The following LTC4S variants were observed in gnomAD, a reference collection of about 807,000 sequenced individuals.
LTC4S encodes the protein LTC4 synthase.
In LTC4S, 18 loss-of-function variants were observed where a neutral mutation model predicts 19.6. That is an observed-to-expected ratio of 0.92 (90% CI 0.64 to 1.36). The LOEUF (loss-of-function observed/expected upper bound fraction) is 1.36. Ranked by LOEUF, LTC4S falls within the 40% of genes most tolerant of loss-of-function variation. The pLI is 0.00. For missense variants in LTC4S, 235 were observed against 212.2 expected (o/e 1.11, Z -0.67); for synonymous variants, 126 against 110.1 (o/e 1.14, Z -0.91).
chr5:179,796,623 G>A lies in LTC4S; in HGVS notation c.*229G>A. The stretch of plus-strand genomic sequence containing the variant: ...GGGGCGGGCTTCCTAGTGGCGGCGT[G>A]AGAGTGGCTGCGAAGGAACGAGCCC... On this transcript the variant is annotated 3_prime_UTR_variant, in exon 5 of 5. Coordinates refer to ENST00000292596, the MANE Select transcript of LTC4S (RefSeq NM_145867.2). 3 of 523,946 alleles carry A rather than the reference G, an allele frequency of 5.7e-6. No individual in the cohort carries two copies. The highest frequency in any genetic ancestry group is 9.2e-6 in the Non-Finnish European group (3 of 327,730). 32.5% of individuals were successfully genotyped at this position (523,946 alleles called of 1,614,324 possible).
chr5:179,796,351 C>T lies in LTC4S; in HGVS notation c.410C>T (p.Ala137Val), dbSNP rs753555908. The change falls in exon 5 of 5, where the codon GCC becomes GTC. Residue 137 changes from alanine to valine, a missense_variant. Physicochemically the swap from Ala to Val is moderately conservative, Grantham distance 64 (BLOSUM62 0). Transcript: ENST00000292596. ...LAHFLPAALRAALLGRLRTLL... is the reference protein window; with the variant it reads ...LAHFLPAALRVALLGRLRTLL... The stretch of plus-strand genomic sequence containing the variant: ...CACTTCCTCCCGGCCGCGCTGCGCG[C>T]CGCGCTCCTCGGACGGCTCCGGACG... 3.4e-6 allele frequency: 5 copies of T among 1,490,940 alleles called. No homozygotes were observed. In the South Asian group the frequency reaches 3.8e-5, roughly 11 times the overall value. 92.4% of individuals were successfully genotyped at this position (1,490,940 alleles called of 1,614,324 possible).
At chr5:179,796,103 G>A (rs1276780752) in intron 4 of LTC4S, 81 bp downstream of exon 4, 5 of 1,335,354 alleles carry the variant, frequency 3.7e-6, no homozygotes, top group Non-Finnish European at 4.9e-6. Context: ...GACCGAAGCT[G>A]GGGGCGGGCG....
Position 179,796,546 on chromosome 5 carries a change from C to A in LTC4S, c.*152C>A. On this transcript the variant is annotated 3_prime_UTR_variant, in exon 5 of 5. Coordinates refer to ENST00000292596, the MANE Select transcript of LTC4S (RefSeq NM_145867.2). ...GCGTTCTCTGGGTCCGCGGGGGTGG[C>A]GCACCGCGGGCTACGGAGCCTGGAG... is the stretch of plus-strand genomic sequence containing the variant. 8.4e-7 allele frequency: 1 copy of A among 1,189,294 alleles called. No individual in the cohort carries two copies. Among genetic ancestry groups the A allele is most frequent in the Non-Finnish European group, 1.1e-6 (1 of 925,734 alleles). 73.7% of individuals were successfully genotyped at this position (1,189,294 alleles called of 1,614,324 possible). A position where few individuals can be genotyped will look rare whatever the true frequency, so the allele number is the denominator to read the frequency against.
intron 1 of LTC4S, 127 bp from the exon 2 acceptor site, chr5:179,795,457 G>T: frequency 6.7e-7 from 1 of 1,494,210 alleles, no homozygotes; most frequent in Non-Finnish European, 8.9e-7. Context: ...GCGGGGAGGG[G>T]GCGGGGTTCC....
rs545201267 is a variant in LTC4S, at chr5:179,795,176, G to C, written c.59-408G>C. On this transcript the variant is annotated intron_variant, in intron 1 of 4. Transcript: ENST00000292596. ...CCTTGCACCTGGGAGGATGCAGCCA[G>C]CTCTGCCCTCAGACTCCCGAGGCAC... is the stretch of plus-strand genomic sequence containing the variant. 1.2e-5 allele frequency: 3 copies of C among 247,778 alleles called. No individual in the cohort carries two copies. In the South Asian group the frequency reaches 1.6e-4, roughly 13 times the overall value. The allele number at this position is 247,778 out of a possible 1,614,324, so 15.3% of individuals were successfully genotyped here.
In LTC4S at chr5:179,796,031, C is replaced by T. The variant is rs769937154; in HGVS notation, c.311+9C>T. ...CGCTCCGCGCAGCTCAGGTGAGGGCCGGGCGGGGAGCGGGGCGGGGCCGGG... is the reference window on the plus strand; with the variant it reads ...CGCTCCGCGCAGCTCAGGTGAGGGCTGGGCGGGGAGCGGGGCGGGGCCGGG... On this transcript the variant is annotated intron_variant, in intron 4 of 4. Transcript: ENST00000292596. The T allele has an allele frequency of 2.1e-5, 24 of 1,154,280 alleles. No homozygotes were observed. The South Asian group carries it at 2.8e-4, about 14-fold the overall frequency. The allele number at this position is 1,154,280 out of a possible 1,614,324, so 71.5% of individuals were successfully genotyped here. A position where few individuals can be genotyped will look rare whatever the true frequency, so the allele number is the denominator to read the frequency against.
In LTC4S at chr5:179,795,585, C is replaced by T; in HGVS notation, c.60C>T (p.Ala20=). Reference sequence around the variant, plus strand: ...CTCCCGCTCCCCCTCCTCCCCCAGCCTACTTCTCCCTGCAGGTGATCTCGG... The same window carrying T: ...CTCCCGCTCCCCCTCCTCCCCCAGCTTACTTCTCCCTGCAGGTGATCTCGG... ...AVTLLGVLLQ[A]YFSLQVISAR... Residue 20 remains alanine, a splice_region_variant and synonymous_variant, in exon 2 of 5, where the codon GCC becomes GCT. Coordinates refer to ENST00000292596, the MANE Select transcript of LTC4S (RefSeq NM_145867.2). The T allele has an allele frequency of 6.2e-7, 1 of 1,608,732 alleles. No individual in the cohort carries two copies.
In LTC4S at chr5:179,796,246, C is replaced by A; in HGVS notation, c.312-7C>A. On this transcript the variant is annotated splice_polypyrimidine_tract_variant and splice_region_variant and intron_variant, in intron 4 of 4. Transcript: ENST00000292596. ...CGCGCCACCTCCCCGCTGACCGCCGCCCGCAGGCTGGCACCGCTGTACGCG... is the reference window on the plus strand; with the variant it reads ...CGCGCCACCTCCCCGCTGACCGCCGACCGCAGGCTGGCACCGCTGTACGCG... 3 of 1,451,002 alleles carry A rather than the reference C, an allele frequency of 2.1e-6. No homozygotes were observed. Among genetic ancestry groups the A allele is most frequent in the Non-Finnish European group, 2.7e-6 (3 of 1,105,220 alleles). 89.9% of individuals were successfully genotyped at this position (1,451,002 alleles called of 1,614,324 possible).
chr5:179,795,985 C>G lies in LTC4S; in HGVS notation c.274C>G (p.Arg92Gly), dbSNP rs1301787671. The G allele has an allele frequency of 7.8e-6, 12 of 1,540,246 alleles. No individual in the cohort carries two copies. In the South Asian group the frequency reaches 1.1e-4, roughly 14 times the overall value. The change falls in exon 4 of 5, where the codon CGC becomes GGC. Residue 92 changes from arginine to glycine, a missense_variant. Arg to Gly is a moderately radical substitution (Grantham distance 125). Coordinates refer to ENST00000292596, the MANE Select transcript of LTC4S (RefSeq NM_145867.2). Reference sequence around the variant, plus strand: ...CCTGGTCTACCTGTTCGCGCGCCTCCGCTACTTCCAGGGCTACGCGCGCTC... The same window carrying G: ...CCTGGTCTACCTGTTCGCGCGCCTCGGCTACTTCCAGGGCTACGCGCGCTC... ...CGLVYLFARL[R>G]YFQGYARSAQ...
chr5:179,796,347 C>T lies in LTC4S; in HGVS notation c.406C>T (p.Arg136Cys), dbSNP rs904475283. 2.2e-5 allele frequency: 33 copies of T among 1,489,812 alleles called. No individual in the cohort carries two copies. Among genetic ancestry groups the T allele is most frequent in the Non-Finnish European group, 2.8e-5 (32 of 1,127,654 alleles). The allele number at this position is 1,489,812 out of a possible 1,614,324, so 92.3% of individuals were successfully genotyped here. A position where few individuals can be genotyped will look rare whatever the true frequency, so the allele number is the denominator to read the frequency against. Residue 136 changes from arginine (R) to cysteine (C), a missense_variant, in exon 5 of 5, where the codon CGC becomes TGC. Arg to Cys is a radical substitution (Grantham distance 180, BLOSUM62 -3). Coordinates refer to ENST00000292596, the MANE Select transcript of LTC4S (RefSeq NM_145867.2). The part of the protein sequence containing the change: ...LLAHFLPAAL[R>C]AALLGRLRTL... ...CGCCCACTTCCTCCCGGCCGCGCTG[C>T]GCGCCGCGCTCCTCGGACGGCTCCG...
At position 179,794,084 on chromosome 5, in the gene LTC4S, A is replaced by G. The variant is rs921536032; in HGVS notation, c.4A>G (p.Lys2Glu). 6.2e-7 allele frequency: 1 copy of G among 1,613,654 alleles called. No individual in the cohort carries two copies. ...GTGCCACCACACCGACGGTACCATG[A>G]AGGACGAGGTAGCTCTACTGGCTGC... MKDEVALLAAVT... is the reference protein window; with the variant it reads MEDEVALLAAVT... The change falls in exon 1 of 5, where the codon AAG becomes GAG. Residue 2 changes from lysine to glutamate, a missense_variant. Physicochemically the swap from Lys to Glu is moderately conservative, Grantham distance 56. Transcript: ENST00000292596.
At chr5:179,795,546 G>T (rs1241927181) in intron 1 of LTC4S, 38 bp from the exon 2 acceptor site, 2 of 1,579,226 alleles carry the variant, frequency 1.3e-6, no homozygotes, top group Non-Finnish European at 1.7e-6. Flanking sequence ...GGGGCTTCGG[G>T]TGTCCAGACC....
intron 1 of LTC4S, chr5:179,795,343 T>A: frequency 7.1e-7 from 1 of 1,398,748 alleles, no homozygotes. Flanking sequence ...ACTCACAGGT[T>A]GGGACAGGGC....
Position 179,796,482 on chromosome 5 carries a change from G to A in LTC4S, c.*88G>A. The A allele has an allele frequency of 7.3e-7, 1 of 1,375,714 alleles. No homozygotes were observed. Among genetic ancestry groups the A allele is most frequent in the Non-Finnish European group, 9.4e-7 (1 of 1,067,566 alleles). The allele number at this position is 1,375,714 out of a possible 1,614,324, so 85.2% of individuals were successfully genotyped here. On this transcript the variant is annotated 3_prime_UTR_variant, in exon 5 of 5. Transcript: ENST00000292596. ...GAGGGGCGCTCGCTTCCGCATCCTA[G>A]TCTCTATCATTAAAGTTCTAGTGAC...
At chr5:179,795,276 T>C in intron 1 of LTC4S, 3 of 801,498 alleles carry the variant, frequency 3.7e-6, no homozygotes, top group Non-Finnish European at 5.3e-6. Flanking sequence ...AGGACTCAAG[T>C]GGTCTCTCTC....
Position 179,795,368 on chromosome 5 carries a change from G to A in LTC4S, c.59-216G>A, listed in dbSNP as rs370009631. The A allele has an allele frequency of 6.3e-6, 9 of 1,418,844 alleles. No individual in the cohort carries two copies. The African/African-American group carries it at 1.3e-4, about 21-fold the overall frequency. 87.9% of individuals were successfully genotyped at this position (1,418,844 alleles called of 1,614,324 possible). ...TGGGACAGGGCCTCTCTGCGCCCCA[G>A]GCTTCAGCCCTGCCCTCCTCGCTGA... On this transcript the variant is annotated intron_variant, in intron 1 of 4. Transcript: ENST00000292596.
intron 1 of LTC4S, 120 bp from the exon 2 acceptor site, chr5:179,795,464 T>C: frequency 1.3e-6 from 2 of 1,492,024 alleles, no homozygotes; most frequent in Admixed American, 4.1e-5. Flanking sequence ...GGGGGCGGGG[T>C]TCCGCCTTAG....
At chr5:179,794,780 C>T (rs758079261) in intron 1 of LTC4S, among the ~76,000 whole-genome samples, 43 of 152,276 alleles carry the variant, frequency 2.8e-4, no homozygotes, top group Non-Finnish European at 4.9e-4. Context: ...GGAGATGGTC[C>T]GACGGGAGGT....
At chr5:179,794,954 G>A (rs1756560011) in intron 1 of LTC4S, among the ~76,000 whole-genome samples, 1 of 152,194 alleles carries the variant, frequency 6.6e-6, no homozygotes, top group East Asian at 1.9e-4. Context: ...AGTCCCAGCT[G>A]CAACCTCCTG....
Sources: gnomAD v4.1 joint callset for allele counts (sites outside exome capture counted in the v4.1 genomes callset) on GRCh38, gnomAD v4.1.1 for gene constraint, MANE v1.5 for transcripts, NCBI Gene and HGNC (gene_info 2026-07-23, HGNC 2026-07-21) for gene names.